The following GALNT10 variants were observed in gnomAD, a reference collection of about 807,000 sequenced individuals.
The protein encoded by GALNT10 is GalNAc transferase 10.
A neutral mutation model predicts 75.0 loss-of-function variants in GALNT10; 41 were observed. The ratio of observed to expected loss-of-function variants is 0.55; its 90% confidence interval spans 0.43 to 0.71. The LOEUF is 0.71. Ranked by LOEUF, GALNT10 falls within the 30% of genes least tolerant of loss-of-function variation. The pLI, the probability that GALNT10 is intolerant of heterozygous loss-of-function variation, is 0.00. For synonymous variants in GALNT10, 302 were observed against 313.0 expected (o/e 0.96, Z 0.37); for missense variants, 727 against 818.5 (o/e 0.89, Z 1.36).
Position 154,343,663 on chromosome 5 carries a change from G to A in GALNT10, c.568+13925G>A, listed in dbSNP as rs542669638. 1.4e-4 allele frequency among the ~76,000 whole-genome samples: 22 copies of A among 152,072 alleles called. 1 individual carries two copies. The highest frequency in any genetic ancestry group is 2.9e-5 in the Non-Finnish European group (2 of 68,010). On this transcript the variant is annotated intron_variant, in intron 4 of 11. Coordinates refer to ENST00000297107, the MANE Select transcript of GALNT10 (RefSeq NM_198321.4). ...GTGCTTGAGGCCCTGCCTGGTCCTC[G>A]GTCAGAAATTTCCTTTTTTCTGTTG...
intron 4 of GALNT10, chr5:154,347,083 TAATA>T (rs780972160): frequency 2.0e-6 from 1 of 489,908 alleles, no homozygotes. Context: ...ATGAGAACAG[TAATA>T]AATGTCACCA....
chr5:154,219,159 C>G (rs1005623654), intron 1 of GALNT10, among the ~76,000 whole-genome samples: 2 of 152,220 alleles, frequency 1.3e-5, no homozygotes, highest in Admixed American at 1.3e-4. Context: ...CAATGTAGCT[C>G]ATCTACTCCC....
intron 1 of GALNT10, among the ~76,000 whole-genome samples, chr5:154,196,247 T>C (rs1774937637): frequency 1.3e-5 from 2 of 152,184 alleles, no homozygotes; most frequent in South Asian, 4.1e-4. Flanking sequence ...TAAAAGCAAC[T>C]AAAATGGATT....
At position 154,294,820 on chromosome 5, in the gene GALNT10, C is replaced by T. The variant is rs1293443641; in HGVS notation, c.164C>T (p.Ser55Leu). The T allele has an allele frequency of 6.4e-7, 1 of 1,562,394 alleles. No homozygotes were observed. The highest frequency in any genetic ancestry group is 1.7e-5 in the Admixed American group (1 of 59,868). Residue 55 changes from serine to leucine, a missense_variant, in exon 2 of 12, where the codon TCA becomes TTA. Physicochemically the swap from Ser to Leu is moderately radical, Grantham distance 145 (BLOSUM62 -2). Coordinates refer to ENST00000297107, the MANE Select transcript of GALNT10 (RefSeq NM_198321.4). ...TAGTTTTTGTCTTTTTTTAAGGGCT[C>T]ACACAGTCGACAAAAGAAAACGTTT... The part of the protein sequence containing the change: ...AAVAPAAGQG[S>L]HSRQKKTFFL...
chr5:154,200,512 T>G (rs1416841223), intron 1 of GALNT10, among the ~76,000 whole-genome samples: 2 of 152,196 alleles, frequency 1.3e-5, no homozygotes, highest in Non-Finnish European at 2.9e-5. Context: ...AAAACTGTTA[T>G]TTTTTGCATG....
intron 1 of GALNT10, among the ~76,000 whole-genome samples, chr5:154,216,269 C>A (rs1337645807): frequency 6.6e-6 from 1 of 152,086 alleles, no homozygotes; most frequent in East Asian, 1.9e-4. Flanking sequence ...TTAAAAAATA[C>A]TGCTATGTGT....
chr5:154,301,620 C>A (rs1754360863), intron 3 of GALNT10, among the ~76,000 whole-genome samples: 2 of 151,284 alleles, frequency 1.3e-5, no homozygotes, highest in Non-Finnish European at 2.9e-5. Context: ...TCTCAAACTC[C>A]TAGGCTCAAG....
chr5:154,395,359 G>A (rs1169908563), intron 7 of GALNT10, among the ~76,000 whole-genome samples: 1 of 152,200 alleles, frequency 6.6e-6, no homozygotes, highest in African/African-American at 2.4e-5. Context: ...TAGCTGCTGT[G>A]TGACTTTGGG....
At position 154,364,302 on chromosome 5, in the gene GALNT10, A is replaced by G. The variant is rs570285836; in HGVS notation, c.569-11975A>G. ...CCTGAGAAGCCTGAACTGTCACCAT[A>G]TGACATCAGTAGACCTGTGCTGTAG... is the stretch of plus-strand genomic sequence containing the variant. On this transcript the variant is annotated intron_variant, in intron 4 of 11. Coordinates refer to ENST00000297107, the MANE Select transcript of GALNT10 (RefSeq NM_198321.4). Among the ~76,000 whole-genome samples the G allele has an allele frequency of 1.7e-3, 262 of 152,330 alleles. 2 individuals carry two copies. The highest frequency in any genetic ancestry group is 6.0e-3 in the African/African-American group (250 of 41,572).
chr5:154,250,516 T>C (rs919764200), intron 1 of GALNT10, among the ~76,000 whole-genome samples: 3 of 152,178 alleles, frequency 2.0e-5, no homozygotes, highest in Admixed American at 2.0e-4. Context: ...TGTACTTAAA[T>C]GTACATGTAC....
chr5:154,296,695 G>A (rs73804389), intron 2 of GALNT10, among the ~76,000 whole-genome samples: 2,368 of 152,232 alleles, frequency 0.016, 45 homozygotes, highest in African/African-American at 0.053. Context: ...GGATGGTAGG[G>A]CTGGCCTTGG....
intron 1 of GALNT10, among the ~76,000 whole-genome samples, chr5:154,226,621 T>G (rs565498645): frequency 6.6e-6 from 1 of 152,356 alleles, no homozygotes; most frequent in South Asian, 2.1e-4. Flanking sequence ...TTATCTCTGT[T>G]TTCAGTGTTC....
chr5:154,304,697 T>C (rs1344723026), intron 3 of GALNT10, among the ~76,000 whole-genome samples: 2 of 152,226 alleles, frequency 1.3e-5, no homozygotes, highest in Non-Finnish European at 2.9e-5. Context: ...TTTTAAAAGA[T>C]AATTGACTGT....
chr5:154,254,567 G>A (rs1180579422), intron 1 of GALNT10, among the ~76,000 whole-genome samples: 2 of 150,890 alleles, frequency 1.3e-5, no homozygotes, highest in South Asian at 4.2e-4. Context: ...TCCTGAAAGA[G>A]GGATAACATC....
At chr5:154,261,792 A>G (rs574015319) in intron 1 of GALNT10, among the ~76,000 whole-genome samples, 25 of 152,306 alleles carry the variant, frequency 1.6e-4, no homozygotes, top group South Asian at 6.2e-4. Flanking sequence ...TCACAGCAAA[A>G]ATGCAAAATC....
At chr5:154,299,975 C>T (rs576898620) in intron 3 of GALNT10, among the ~76,000 whole-genome samples, 34 of 152,200 alleles carry the variant, frequency 2.2e-4, no homozygotes, top group African/African-American at 7.5e-4. Flanking sequence ...GCTGGGACCA[C>T]AAGTGTGTGC....
intron 1 of GALNT10, among the ~76,000 whole-genome samples, chr5:154,293,609 A>ATTTTTTTTTTTTTTTTTTTTTT (rs1466080479): frequency 3.3e-5 from 4 of 122,706 alleles, no homozygotes; most frequent in Non-Finnish European, 5.3e-5. Flanking sequence ...ATATATATAT[A>ATTTTTTTTTTTTTTTTTTTTTT]TATATTTTTT....
At chr5:154,349,965 C>T (rs560018295) in intron 4 of GALNT10, among the ~76,000 whole-genome samples, 18 of 152,294 alleles carry the variant, frequency 1.2e-4, no homozygotes, top group African/African-American at 4.3e-4. Context: ...AAAATTAAAA[C>T]GTTAGTTCCT....
rs138484959 is a variant in GALNT10, at chr5:154,350,923, G to T, written c.568+21185G>T. 8.5e-4 allele frequency among the ~76,000 whole-genome samples: 129 copies of T among 152,306 alleles called. No individual in the cohort carries two copies. The East Asian group carries it at 0.023, about 28-fold the overall frequency. On this transcript the variant is annotated intron_variant, in intron 4 of 11. Transcript: ENST00000297107. The stretch of plus-strand genomic sequence containing the variant: ...AGGAGGGCTCGTTAAAACCTGGTTT[G>T]CTGGGTCCCCCCACTTGTAGTTTCT...
Sources: gnomAD v4.1 joint callset for allele counts (sites outside exome capture counted in the v4.1 genomes callset) on GRCh38, gnomAD v4.1.1 for gene constraint, MANE v1.5 for transcripts, NCBI Gene and HGNC (gene_info 2026-07-23, HGNC 2026-07-21) for gene names.